Variants in PLA2G4A observed in about 807,000 individuals in gnomAD.
The protein encoded by PLA2G4A is phospholipase A2 group IVA.
PLA2G4A carries 40 observed loss-of-function variants against 81.9 expected under a neutral mutation model. That is an observed-to-expected ratio of 0.49 (90% CI 0.38 to 0.64). The LOEUF (loss-of-function observed/expected upper bound fraction) is 0.64, where lower values mean the gene tolerates loss of function less well. PLA2G4A is among the 30% of genes least tolerant of loss of function. The pLI, the probability that PLA2G4A is intolerant of heterozygous loss-of-function variation, is 0.00. For synonymous variants in PLA2G4A, 302 were observed against 296.9 expected (o/e 1.02, Z -0.18); for missense variants, 715 against 905.1 (o/e 0.79, Z 2.69).
At chr1:186,932,430 G>A (rs961889984) in intron 7 of PLA2G4A, among the ~76,000 whole-genome samples, 4 of 151,500 alleles carry the variant, frequency 2.6e-5, no homozygotes, top group Admixed American at 6.6e-5. Flanking sequence ...AAAGTAGCTC[G>A]GATTACAGGC....
At chr1:186,969,804 CATTT>C (rs564976810) in intron 15 of PLA2G4A, among the ~76,000 whole-genome samples, 278 of 151,872 alleles carry the variant, frequency 1.8e-3, no homozygotes, top group African/African-American at 6.4e-3. Context: ...TTTATTCATT[CATTT>C]GTTGATCAAT....
At position 186,978,591 on chromosome 1, in the gene PLA2G4A, T is replaced by A. The variant is rs559507203; in HGVS notation, c.1961-724T>A. ...GAAGGTGGAAATCTGACATTTTTAG[T>A]TATCAGACACTAGAGCACATGAAAC... On this transcript the variant is annotated intron_variant, in intron 16 of 17. Transcript: ENST00000367466. Among the ~76,000 whole-genome samples, 10 of 152,300 alleles carry A rather than the reference T, an allele frequency of 6.6e-5. No homozygotes were observed. In the South Asian group the frequency reaches 1.9e-3, roughly 28 times the overall value.
chr1:186,889,232 G>C (rs149060898), intron 3 of PLA2G4A, among the ~76,000 whole-genome samples: 1 of 152,176 alleles, frequency 6.6e-6, no homozygotes, highest in Non-Finnish European at 1.5e-5. Context: ...AGTTAGAAAT[G>C]AGAATGACTG....
At chr1:186,968,681 C>T (rs377588416) in intron 15 of PLA2G4A, among the ~76,000 whole-genome samples, 1 of 151,656 alleles carries the variant, frequency 6.6e-6, no homozygotes, top group South Asian at 2.1e-4. Context: ...ATCTTGCCAC[C>T]TTTTTCTGTA....
intron 15 of PLA2G4A, among the ~76,000 whole-genome samples, chr1:186,973,025 CA>C (rs1657410092): frequency 6.6e-6 from 1 of 152,200 alleles, no homozygotes; most frequent in Non-Finnish European, 1.5e-5. Flanking sequence ...TTGTGGGCAC[CA>C]ATCCACAATG....
intron 1 of PLA2G4A, among the ~76,000 whole-genome samples, chr1:186,831,361 G>A (rs898678307): frequency 1.3e-5 from 2 of 152,108 alleles, no homozygotes; most frequent in Non-Finnish European, 2.9e-5. Flanking sequence ...AGAACTCCAA[G>A]CAACTTGGTA....
At chr1:186,986,763 A>T (rs1657903621) in intron 17 of PLA2G4A, among the ~76,000 whole-genome samples, 1 of 152,228 alleles carries the variant, frequency 6.6e-6, no homozygotes, top group Admixed American at 6.5e-5. Context: ...TTTCCATTTT[A>T]AAGAAGAAGA....
intron 7 of PLA2G4A, among the ~76,000 whole-genome samples, chr1:186,922,623 C>T (rs1359337820): frequency 6.6e-6 from 1 of 152,198 alleles, no homozygotes; most frequent in Non-Finnish European, 1.5e-5. Context: ...ACCTAAGGAG[C>T]TGCCTCGACC....
At chr1:186,834,364 A>G (rs956668255) in intron 1 of PLA2G4A, among the ~76,000 whole-genome samples, 7 of 152,168 alleles carry the variant, frequency 4.6e-5, no homozygotes, top group African/African-American at 1.7e-4. Context: ...AAAAAGAGCT[A>G]TTGAAAAGTC....
intron 3 of PLA2G4A, among the ~76,000 whole-genome samples, chr1:186,883,403 T>C (rs1456978515): frequency 1.3e-5 from 2 of 152,122 alleles, no homozygotes; most frequent in African/African-American, 4.8e-5. Flanking sequence ...ACCTTGAAGA[T>C]AATCAACTTT....
chr1:186,978,877 C>T (rs1373814920), intron 16 of PLA2G4A, among the ~76,000 whole-genome samples: 1 of 152,158 alleles, frequency 6.6e-6, no homozygotes, highest in Non-Finnish European at 1.5e-5. Context: ...AGCCGGCTAC[C>T]ACAATGGGAA....
chr1:186,859,807 TCTGA>T (rs1305521346), intron 2 of PLA2G4A, among the ~76,000 whole-genome samples: 3 of 152,132 alleles, frequency 2.0e-5, no homozygotes, highest in African/African-American at 4.8e-5. Context: ...ACACGTAGAC[TCTGA>T]CTTTTACCTG....
intron 14 of PLA2G4A, among the ~76,000 whole-genome samples, chr1:186,957,537 G>A (rs1656797133): frequency 1.3e-5 from 2 of 152,214 alleles, no homozygotes; most frequent in Non-Finnish European, 2.9e-5. Flanking sequence ...CAGGTCTCAG[G>A]AGAACTCGAG....
chr1:186,877,821 CT>C (rs973323922), intron 3 of PLA2G4A, among the ~76,000 whole-genome samples: 15 of 145,352 alleles, frequency 1.0e-4, no homozygotes, highest in East Asian at 2.1e-4. Context: ...GTGATTATTA[CT>C]TTTTTTTGAT....
chr1:186,905,971 GA>G (rs1558422495), intron 5 of PLA2G4A, among the ~76,000 whole-genome samples: 2 of 152,086 alleles, frequency 1.3e-5, no homozygotes, highest in African/African-American at 4.8e-5. Flanking sequence ...TGAAACTCAA[GA>G]GGGTAAATCT....
intron 5 of PLA2G4A, among the ~76,000 whole-genome samples, chr1:186,895,266 A>G (rs1430403054): frequency 6.6e-6 from 1 of 152,222 alleles, no homozygotes; most frequent in Non-Finnish European, 1.5e-5. Context: ...ATGTGTACCT[A>G]TTTAGAAACC....
chr1:186,861,543 C>G (rs1271869223), intron 2 of PLA2G4A, among the ~76,000 whole-genome samples: 1 of 152,148 alleles, frequency 6.6e-6, no homozygotes, highest in East Asian at 1.9e-4. Flanking sequence ...GCAATGGTCA[C>G]CCAGATTACT....
chr1:186,874,399 G>T (rs1243482194), intron 3 of PLA2G4A, among the ~76,000 whole-genome samples: 1 of 151,980 alleles, frequency 6.6e-6, no homozygotes, highest in Non-Finnish European at 1.5e-5. Context: ...GGAAAACACA[G>T]ATCCTGAATG....
At chr1:186,977,090 A>C (rs1657560572) in intron 15 of PLA2G4A, among the ~76,000 whole-genome samples, 2 of 152,226 alleles carry the variant, frequency 1.3e-5, no homozygotes, top group African/African-American at 4.8e-5. Flanking sequence ...TGTTCACAAA[A>C]AGAAGACAAA....
Sources: allele counts gnomAD v4.1 joint callset (sites outside exome capture counted in the v4.1 genomes callset), GRCh38; gene constraint gnomAD v4.1.1; transcripts MANE v1.5; gene names NCBI Gene and HGNC (gene_info 2026-07-23, HGNC 2026-07-21).